EPB41L3: variants seen among roughly 807,000 people sequenced by gnomAD.
EPB41L3 encodes erythrocyte membrane protein band 4.1 like 3.
In EPB41L3, 57 loss-of-function variants were observed where a neutral mutation model predicts 127.1. That is an observed-to-expected ratio of 0.45 (90% confidence interval 0.36 to 0.56). The LOEUF is 0.56. Among genes scored for constraint, EPB41L3 ranks in the 20% least tolerant of loss-of-function variants. The pLI is 0.00. For synonymous variants in EPB41L3, 572 were observed against 549.5 expected, an observed-to-expected ratio of 1.04 and a Z score of -0.57; for missense variants, 1,273 against 1,372.2, an observed-to-expected ratio of 0.93 and a Z score of 1.14.
intron 3 of EPB41L3, among the ~76,000 whole-genome samples, chr18:5,583,014 T>G (rs2094408760): frequency 6.6e-6 from 1 of 152,136 alleles, no homozygotes; most frequent in African/African-American, 2.4e-5. Context: ...CCCTCATCAC[T>G]GTGGGGGAAA....
At chr18:5,472,177 ACAGT>A (rs1402872795) in intron 3 of EPB41L3, among the ~76,000 whole-genome samples, 1 of 152,202 alleles carries the variant, frequency 6.6e-6, no homozygotes, top group Non-Finnish European at 1.5e-5. Flanking sequence ...GTTTTAGTAA[ACAGT>A]CTGTTTTAAT....
intron 1 of EPB41L3, among the ~76,000 whole-genome samples, chr18:5,625,844 G>A (rs1260582247): frequency 6.6e-6 from 1 of 152,116 alleles, no homozygotes; most frequent in African/African-American, 2.4e-5. Context: ...CAGAAGGGAG[G>A]TGTCCAAGTT....
rs912027254 is a variant in EPB41L3, at chr18:5,415,611, T to G, written c.2067+207A>C. Reference sequence around the variant, plus strand: ...AGTGGGTAGCAGAACGATTCCGGGTTGGGCTCAGACTGCTACATCCACATG... The same window carrying G: ...AGTGGGTAGCAGAACGATTCCGGGTGGGGCTCAGACTGCTACATCCACATG... On this transcript the variant is annotated intron_variant, in intron 13 of 22. Coordinates refer to ENST00000341928, the MANE Select transcript of EPB41L3 (RefSeq NM_012307.5). 7.2e-5 allele frequency among the ~76,000 whole-genome samples: 11 copies of G among 152,188 alleles called. No individual in the cohort carries two copies. In the South Asian group the frequency reaches 1.2e-3, roughly 17 times the overall value.
At chr18:5,574,510 T>C (rs2094318379) in intron 3 of EPB41L3, among the ~76,000 whole-genome samples, 1 of 152,030 alleles carries the variant, frequency 6.6e-6, no homozygotes, top group South Asian at 2.1e-4. Context: ...CTAATTTGAT[T>C]CCCTCTGTCA....
intron 12 of EPB41L3, 90 bp downstream of exon 12, chr18:5,419,621 T>A: frequency 6.5e-7 from 1 of 1,544,568 alleles, no homozygotes; most frequent in Non-Finnish European, 8.8e-7. Context: ...TTATCCTAAA[T>A]CTGAGCACAT....
chr18:5,500,681 T>C (rs578096648), intron 1 of EPB41L3, among the ~76,000 whole-genome samples: 1 of 152,316 alleles, frequency 6.6e-6, no homozygotes, highest in African/African-American at 2.4e-5. Flanking sequence ...GCACAAATAA[T>C]CCGTGCTTCT....
At chr18:5,510,367 A>G (rs540812801) in intron 1 of EPB41L3, among the ~76,000 whole-genome samples, 12 of 152,302 alleles carry the variant, frequency 7.9e-5, no homozygotes, top group African/African-American at 2.4e-4. Flanking sequence ...TAGATCCCCA[A>G]TCTGGGCTGG....
chr18:5,483,011 A>G (rs1214105342), intron 2 of EPB41L3, among the ~76,000 whole-genome samples: 1 of 152,202 alleles, frequency 6.6e-6, no homozygotes, highest in African/African-American at 2.4e-5. Context: ...ACAATGTACT[A>G]CTAGTACTAC....
chr18:5,403,988 T>C (rs893150892), intron 16 of EPB41L3, among the ~76,000 whole-genome samples: 1 of 152,218 alleles, frequency 6.6e-6, no homozygotes, highest in Non-Finnish European at 1.5e-5. Flanking sequence ...ATGGTTTTAA[T>C]ATAGAAATAG....
At chr18:5,600,805 C>T (rs916556818) in intron 3 of EPB41L3, among the ~76,000 whole-genome samples, 1 of 152,070 alleles carries the variant, frequency 6.6e-6, no homozygotes, top group African/African-American at 2.4e-5. Flanking sequence ...ACCAAGCTGC[C>T]GCTGCAGAGT....
intron 3 of EPB41L3, among the ~76,000 whole-genome samples, chr18:5,592,671 G>A (rs780045636): frequency 6.6e-6 from 1 of 152,216 alleles, no homozygotes; most frequent in African/African-American, 2.4e-5. Context: ...CAGAGGCAGA[G>A]GGGTTGGGAC....
chr18:5,434,364 T>C (rs2079437177), intron 6 of EPB41L3, among the ~76,000 whole-genome samples: 1 of 152,236 alleles, frequency 6.6e-6, no homozygotes. Context: ...ACGTTCATAA[T>C]AGGGTTTTAT....
chr18:5,444,335 G>C (rs565353217), intron 4 of EPB41L3, among the ~76,000 whole-genome samples: 1 of 152,300 alleles, frequency 6.6e-6, no homozygotes, highest in Admixed American at 6.5e-5. Context: ...ATAGTTGCCT[G>C]TGATTTCCGA....
chr18:5,527,461 C>T (rs757893470), intron 1 of EPB41L3, among the ~76,000 whole-genome samples: 24 of 152,122 alleles, frequency 1.6e-4, no homozygotes, highest in Non-Finnish European at 2.4e-4. Flanking sequence ...ATATTTTAAA[C>T]GACTCTTTCA....
At chr18:5,441,688 T>A (rs1460386228) in intron 5 of EPB41L3, among the ~76,000 whole-genome samples, 1 of 152,112 alleles carries the variant, frequency 6.6e-6, no homozygotes, top group Non-Finnish European at 1.5e-5. Context: ...ATGGTCTCGA[T>A]CTCCTGACCT....
Position 5,419,105 on chromosome 18 carries a change from T to G in EPB41L3, c.1506+606A>C, listed in dbSNP as rs530891222. On this transcript the variant is annotated intron_variant, in intron 12 of 22. Transcript: ENST00000341928. ...ATGGTGTTAAAAAAGATATTTAATTTGGGGTGAAACAATGTTACAAAGTTT... is the reference window on the plus strand; with the variant it reads ...ATGGTGTTAAAAAAGATATTTAATTGGGGGTGAAACAATGTTACAAAGTTT... 4.6e-5 allele frequency among the ~76,000 whole-genome samples: 7 copies of G among 152,322 alleles called. No individual in the cohort carries two copies. The South Asian group carries it at 1.4e-3, about 32-fold the overall frequency.
intron 1 of EPB41L3, among the ~76,000 whole-genome samples, chr18:5,537,908 T>C (rs1351845171): frequency 2.6e-5 from 4 of 152,120 alleles, no homozygotes; most frequent in African/African-American, 9.7e-5. Flanking sequence ...AAACAATCAC[T>C]GATACACAGA....
intron 5 of EPB41L3, among the ~76,000 whole-genome samples, chr18:5,438,561 T>G (rs912517476): frequency 2.0e-5 from 3 of 152,236 alleles, no homozygotes; most frequent in African/African-American, 7.2e-5. Context: ...CCAATTATAA[T>G]AAATGTCAAG....
At chr18:5,607,641 C>A (rs2094675484) in intron 3 of EPB41L3, among the ~76,000 whole-genome samples, 1 of 152,268 alleles carries the variant, frequency 6.6e-6, no homozygotes, top group East Asian at 1.9e-4. Flanking sequence ...AGATTCTACA[C>A]AGTTTGACTT....
Sources: allele counts gnomAD v4.1 joint callset (sites outside exome capture counted in the v4.1 genomes callset), GRCh38; gene constraint gnomAD v4.1.1; transcripts MANE v1.5; gene names NCBI Gene and HGNC (gene_info 2026-07-23, HGNC 2026-07-21).